DTNA: variants seen among roughly 807,000 people sequenced by gnomAD.
DTNA encodes dystrophin-related protein 3.
Under a neutral mutation model 100.7 loss-of-function variants are expected in DTNA, and 43 were observed. The ratio of observed to expected loss-of-function variants is 0.43; its 90% CI spans 0.33 to 0.55. The LOEUF is 0.55. Among genes scored for constraint, DTNA ranks in the 20% least tolerant of loss-of-function variants. DTNA has a pLI of 0.04. For synonymous variants in DTNA, 349 were observed against 347.9 expected (o/e 1.00, Z -0.04); for missense variants, 798 against 953.9 (o/e 0.84, Z 2.15).
At position 34,840,147 on chromosome 18, in the gene DTNA, G is replaced by A. The variant is rs543271370; in HGVS notation, c.1346+1310G>A. Among the ~76,000 whole-genome samples, 3 of 152,254 alleles carry A rather than the reference G, an allele frequency of 2.0e-5. No individual in the cohort carries two copies. The East Asian group carries it at 5.8e-4, about 29-fold the overall frequency. ...TATCTTAATTTGTATTTTTAAAAAT[G>A]TATAACCAGTACACTAGTTTAATTT... On this transcript the variant is annotated intron_variant, in intron 13 of 22. Coordinates refer to ENST00000444659, the MANE Select transcript of DTNA (RefSeq NM_001386795.1).
chr18:34,528,966 T>C (rs2145437357), intron 1 of DTNA, among the ~76,000 whole-genome samples: 1 of 152,266 alleles, frequency 6.6e-6, no homozygotes, highest in Non-Finnish European at 1.5e-5. Flanking sequence ...CTTATAAGTA[T>C]GGGTGACAGT....
At chr18:34,571,332 C>T (rs1432676229) in intron 1 of DTNA, among the ~76,000 whole-genome samples, 1 of 152,152 alleles carries the variant, frequency 6.6e-6, no homozygotes, top group Non-Finnish European at 1.5e-5. Flanking sequence ...CTATCAGAAA[C>T]ACTGTAGATA....
In DTNA at chr18:34,820,926, C is replaced by G; in HGVS notation, c.1001+11C>G. 1.9e-6 allele frequency: 3 copies of G among 1,612,144 alleles called. No individual in the cohort carries two copies. The highest frequency in any genetic ancestry group is 2.5e-6 in the Non-Finnish European group (3 of 1,179,628). On this transcript the variant is annotated intron_variant, in intron 9 of 22. Coordinates refer to ENST00000444659, the MANE Select transcript of DTNA (RefSeq NM_001386795.1). ...CTTGGCTCACATCGTGTGAGTATCCCTACCCTCCCAGTATAGAGACAATTT... is the reference window on the plus strand; with the variant it reads ...CTTGGCTCACATCGTGTGAGTATCCGTACCCTCCCAGTATAGAGACAATTT...
intron 1 of DTNA, among the ~76,000 whole-genome samples, chr18:34,618,196 T>C (rs1568033600): frequency 6.6e-6 from 1 of 152,270 alleles, no homozygotes; most frequent in East Asian, 1.9e-4. Flanking sequence ...TCCAGTTCTG[T>C]TGTGTTAGAT....
At chr18:34,785,615 T>A (rs1273027360) in intron 3 of DTNA, among the ~76,000 whole-genome samples, 1 of 152,204 alleles carries the variant, frequency 6.6e-6, no homozygotes, top group African/African-American at 2.4e-5. Flanking sequence ...AGTGTCTCAG[T>A]TCATGTTTCT....
intron 1 of DTNA, among the ~76,000 whole-genome samples, chr18:34,497,518 C>T (rs1366467612): frequency 6.6e-6 from 1 of 152,092 alleles, no homozygotes; most frequent in East Asian, 1.9e-4. Context: ...GTAACCTTAA[C>T]CACTGTCACA....
intron 8 of DTNA, 45 bp from the exon 9 acceptor site, chr18:34,820,746 A>G (rs1216444740): frequency 6.2e-7 from 1 of 1,612,402 alleles, no homozygotes; most frequent in Admixed American, 1.7e-5. Context: ...AAAATATTAC[A>G]TAAATATTAG....
intron 1 of DTNA, among the ~76,000 whole-genome samples, chr18:34,737,035 T>G (rs2089744306): frequency 1.3e-5 from 2 of 152,186 alleles, no homozygotes; most frequent in African/African-American, 4.8e-5. Flanking sequence ...TAGTGAAAGT[T>G]CATTTGTATT....
At chr18:34,536,060 T>G (rs2043678506) in intron 1 of DTNA, among the ~76,000 whole-genome samples, 1 of 152,010 alleles carries the variant, frequency 6.6e-6, no homozygotes, top group African/African-American at 2.4e-5. Flanking sequence ...TGACATAAAA[T>G]AAGGTGTAAA....
At chr18:34,827,913 A>C (rs986084057) in intron 10 of DTNA, among the ~76,000 whole-genome samples, 5 of 152,164 alleles carry the variant, frequency 3.3e-5, no homozygotes, top group African/African-American at 7.2e-5. Context: ...ACCCACAGTA[A>C]GAATGTGAGG....
chr18:34,552,916 T>C (rs1489630262), intron 1 of DTNA, among the ~76,000 whole-genome samples: 3 of 145,212 alleles, frequency 2.1e-5, no homozygotes, highest in Non-Finnish European at 4.5e-5. Context: ...CTGGGTCAAA[T>C]GGTATTTCTA....
rs150983718 is a variant in DTNA at position 34,732,104 on chromosome 18, G to A, written c.-2+21659G>A. On this transcript the variant is annotated intron_variant, in intron 1 of 22. Coordinates refer to ENST00000444659, the MANE Select transcript of DTNA (RefSeq NM_001386795.1). ...AAGAAAAGAGAATATTTATTTGCCT[G>A]TTTCCACACTGTCTCACTAACACCA... Among the ~76,000 whole-genome samples the A allele has an allele frequency of 3.2e-4, 49 of 152,284 alleles. 1 individual carries two copies. Among genetic ancestry groups the A allele is most frequent in the African/African-American group, 1.1e-3 (46 of 41,552 alleles).
chr18:34,753,361 A>ATTTTT (rs751756097), intron 1 of DTNA, among the ~76,000 whole-genome samples: 2 of 96,890 alleles, frequency 2.1e-5, no homozygotes, highest in African/African-American at 5.3e-5. Context: ...TTATTTATTT[A>ATTTTT]TTTTATTTTT....
intron 1 of DTNA, among the ~76,000 whole-genome samples, chr18:34,528,718 T>C (rs952514962): frequency 6.6e-6 from 1 of 152,118 alleles, no homozygotes; most frequent in Non-Finnish European, 1.5e-5. Flanking sequence ...TTTTTACCCC[T>C]AAATCAAATC....
Position 34,775,481 on chromosome 18 carries a change from CA to C in DTNA, c.148+9449del, listed in dbSNP as rs1258770172. 1.6e-4 allele frequency among the ~76,000 whole-genome samples: 24 copies of C among 148,208 alleles called. No individual in the cohort carries two copies. The East Asian group carries it at 3.1e-3, about 19-fold the overall frequency. On this transcript the variant is annotated intron_variant, in intron 3 of 22. Coordinates refer to ENST00000444659, the MANE Select transcript of DTNA (RefSeq NM_001386795.1). Reference sequence around the variant, plus strand: ...TGGGCGACAGAGCGAGACTCCATCTCAAAAAAAAATAAAAATAAATAAATAA... The same window carrying C: ...TGGGCGACAGAGCGAGACTCCATCTCAAAAAAAATAAAAATAAATAAATAA...
chr18:34,867,370 A>C, intron 17 of DTNA: 1 of 1,229,616 alleles, frequency 8.1e-7, no homozygotes, highest in Non-Finnish European at 1.0e-6. Context: ...TTACTTTACT[A>C]AATTAAAGTC....
At chr18:34,582,028 C>T (rs1464616138) in intron 1 of DTNA, among the ~76,000 whole-genome samples, 1 of 152,024 alleles carries the variant, frequency 6.6e-6, no homozygotes, top group Non-Finnish European at 1.5e-5. Flanking sequence ...AATTATTAAA[C>T]CAAATATGTT....
intron 1 of DTNA, among the ~76,000 whole-genome samples, chr18:34,642,106 C>T (rs1252213310): frequency 6.6e-6 from 1 of 152,160 alleles, no homozygotes; most frequent in Admixed American, 6.5e-5. Flanking sequence ...CTACAGTAGG[C>T]AGAAGCTTGC....
At chr18:34,844,184 G>GGTT (rs2096330397) in intron 13 of DTNA, among the ~76,000 whole-genome samples, 1 of 152,062 alleles carries the variant, frequency 6.6e-6, no homozygotes, top group Non-Finnish European at 1.5e-5. Context: ...TAACATAGGG[G>GGTT]GTTGTTGAAG....
Sources: gnomAD v4.1 joint callset for allele counts (sites outside exome capture counted in the v4.1 genomes callset) on GRCh38, gnomAD v4.1.1 for gene constraint, MANE v1.5 for transcripts, NCBI Gene and HGNC (gene_info 2026-07-23, HGNC 2026-07-21) for gene names.